NFIA: variants seen among roughly 807,000 people sequenced by gnomAD.
NFIA encodes nuclear factor 1 A-type.
Under a neutral mutation model 62.8 loss-of-function variants are expected in NFIA, and 8 were observed. The ratio of observed to expected loss-of-function variants is 0.13; its 90% CI spans 0.07 to 0.23. The LOEUF (loss-of-function observed/expected upper bound fraction) is 0.23. Among genes scored for constraint, NFIA ranks in the 10% least tolerant of loss-of-function variants. The pLI is 1.00. For missense variants in NFIA, 410 were observed against 642.1 expected, an observed-to-expected ratio of 0.64 and a Z score of 3.91; for synonymous variants, 235 against 238.1, an observed-to-expected ratio of 0.99 and a Z score of 0.12.
At chr1:61,449,833 G>T (rs1476296918) in intron 10 of NFIA, among the ~76,000 whole-genome samples, 1 of 152,254 alleles carries the variant, frequency 6.6e-6, no homozygotes, top group Admixed American at 6.5e-5. Flanking sequence ...AAGGCTGGCA[G>T]TACCAGTAAC....
intron 2 of NFIA, among the ~76,000 whole-genome samples, chr1:61,262,739 G>A (rs1656843822): frequency 6.6e-6 from 1 of 152,116 alleles, no homozygotes; most frequent in South Asian, 2.1e-4. Flanking sequence ...AATCATTTGG[G>A]CAAAAGTATC....
In NFIA at chr1:61,082,800, T is replaced by C; in HGVS notation, c.9T>C (p.Ser3=). The change falls in exon 1 of 11, where the codon TCT becomes TCC. Residue 3 remains serine, a synonymous_variant. Coordinates refer to ENST00000403491, the MANE Select transcript of NFIA (RefSeq NM_001134673.4). The part of the protein sequence containing the change: MY[S]PLCLTQDEFH... ...CCCAGCGCCCGGCAGTTATGTATTC[T>C]CCGCTCTGTCTCACCCAGGTAAGCC... is the stretch of plus-strand genomic sequence containing the variant. The C allele has an allele frequency of 1.3e-6, 2 of 1,542,172 alleles. No individual in the cohort carries two copies. The highest frequency in any genetic ancestry group is 1.8e-6 in the Non-Finnish European group (2 of 1,142,564).
intron 4 of NFIA, among the ~76,000 whole-genome samples, chr1:61,338,055 ATT>A (rs1362087000): frequency 6.6e-6 from 1 of 152,122 alleles, no homozygotes; most frequent in Non-Finnish European, 1.5e-5. Flanking sequence ...GTGGGCTCTA[ATT>A]TTCTAGCGGC....
chr1:61,362,545 A>G (rs538648360), intron 6 of NFIA, among the ~76,000 whole-genome samples: 5 of 152,368 alleles, frequency 3.3e-5, no homozygotes, highest in African/African-American at 1.2e-4. Flanking sequence ...AGCAACAGGA[A>G]GATTGTGGAA....
At position 61,455,568 on chromosome 1, in the gene NFIA, G is replaced by A; in HGVS notation, c.*248G>A. The A allele has an allele frequency of 1.8e-6, 1 of 564,064 alleles. No individual in the cohort carries two copies. Among genetic ancestry groups the A allele is most frequent in the Non-Finnish European group, 3.1e-6 (1 of 327,362 alleles). The allele number at this position is 564,064 out of a possible 1,614,324, so 34.9% of individuals were successfully genotyped here. On this transcript the variant is annotated 3_prime_UTR_variant, in exon 11 of 11. Coordinates refer to ENST00000403491, the MANE Select transcript of NFIA (RefSeq NM_001134673.4). ...TGTTGTAATTTCTCATATGGTGCTGGAAATGGTTGGGCTTTGTAACATTTG... is the reference window on the plus strand; with the variant it reads ...TGTTGTAATTTCTCATATGGTGCTGAAAATGGTTGGGCTTTGTAACATTTG...
chr1:61,176,467 T>C (rs1650353232), intron 2 of NFIA, among the ~76,000 whole-genome samples: 1 of 152,156 alleles, frequency 6.6e-6, no homozygotes. Flanking sequence ...AAAATCTATT[T>C]TGGTTTTTTA....
rs1041305734 is a variant in NFIA at position 61,413,528 on chromosome 1, T to C, written c.1420+6801T>C. Among the ~76,000 whole-genome samples the C allele has an allele frequency of 4.6e-5, 7 of 151,404 alleles. No individual in the cohort carries two copies. In the South Asian group the frequency reaches 1.5e-3, roughly 32 times the overall value. On this transcript the variant is annotated intron_variant, in intron 9 of 10. Coordinates refer to ENST00000403491, the MANE Select transcript of NFIA (RefSeq NM_001134673.4). ...CTACCTCATACTGTAACTGAACAAA[T>C]TACAAACAATGTCACTAGATTTCTG...
intron 2 of NFIA, among the ~76,000 whole-genome samples, chr1:61,126,738 AT>A (rs1268640536): frequency 6.9e-6 from 1 of 144,226 alleles, no homozygotes. Context: ...CTATATGTGA[AT>A]TTTTCTGGAA....
At position 61,089,695 on chromosome 1, in the gene NFIA, CT is replaced by C. The variant is rs918196815; in HGVS notation, c.559+1034del. 5.4e-3 allele frequency among the ~76,000 whole-genome samples: 585 copies of C among 107,772 alleles called. 3 individuals carry two copies. The highest frequency in any genetic ancestry group is 0.033 in the South Asian group (105 of 3,190). 70.7% of individuals were successfully genotyped at this position (107,772 alleles called of 152,430 possible). On this transcript the variant is annotated intron_variant, in intron 2 of 10. Coordinates refer to ENST00000403491, the MANE Select transcript of NFIA (RefSeq NM_001134673.4). ...GTTCAAATATTTAACGTTTTTTTTTCTTTTTTTTTTTTTTTTTTTACAAAGG... is the reference window on the plus strand; with the variant it reads ...GTTCAAATATTTAACGTTTTTTTTTCTTTTTTTTTTTTTTTTTTACAAAGG...
rs567817496 is a variant in NFIA at position 61,125,747 on chromosome 1, G to A, written c.559+37067G>A. 1.2e-4 allele frequency among the ~76,000 whole-genome samples: 18 copies of A among 152,310 alleles called. No homozygotes were observed. The South Asian group carries it at 3.5e-3, about 30-fold the overall frequency. On this transcript the variant is annotated intron_variant, in intron 2 of 10. Transcript: ENST00000403491. ...TTAAGGTAGCTGCTCAAGGAAGGGA[G>A]ATAGATGAAAGTAAATTGTTTTCTA...
intron 2 of NFIA, among the ~76,000 whole-genome samples, chr1:61,163,240 T>C (rs1649335825): frequency 6.6e-6 from 1 of 152,238 alleles, no homozygotes; most frequent in Non-Finnish European, 1.5e-5. Flanking sequence ...CTTTATGGAA[T>C]GTTTCTCAAA....
At chr1:61,381,172 A>G (rs1481953285) in intron 6 of NFIA, among the ~76,000 whole-genome samples, 2 of 151,720 alleles carry the variant, frequency 1.3e-5, no homozygotes, top group Non-Finnish European at 2.9e-5. Context: ...CTTCTGTTTT[A>G]TGACATGTAG....
chr1:61,187,525 G>T (rs185920023), intron 2 of NFIA, among the ~76,000 whole-genome samples: 8 of 152,102 alleles, frequency 5.3e-5, no homozygotes, highest in Admixed American at 4.6e-4. Flanking sequence ...ATGGAGATGC[G>T]CTCCGTTTAG....
intron 2 of NFIA, among the ~76,000 whole-genome samples, chr1:61,186,525 T>C (rs12142891): frequency 0.075 from 11,348 of 152,202 alleles, 580 homozygotes; most frequent in South Asian, 0.14. Context: ...TGTATGTAAA[T>C]AGGTAAGTTA....
chr1:61,422,187 C>T (rs1438992384), intron 9 of NFIA, among the ~76,000 whole-genome samples: 3 of 152,154 alleles, frequency 2.0e-5, no homozygotes, highest in Non-Finnish European at 4.4e-5. Flanking sequence ...CATTTGAGCT[C>T]AAGAGGTCAA....
At chr1:61,300,409 AT>A (rs1398782457) in intron 3 of NFIA, among the ~76,000 whole-genome samples, 4 of 152,148 alleles carry the variant, frequency 2.6e-5, no homozygotes, top group Admixed American at 2.0e-4. Flanking sequence ...GAACAAGGCC[AT>A]TTAGAAAATT....
intron 2 of NFIA, among the ~76,000 whole-genome samples, chr1:61,091,165 AT>A (rs1231887532): frequency 6.6e-6 from 1 of 151,936 alleles, no homozygotes; most frequent in Admixed American, 6.6e-5. Flanking sequence ...AAATTGTTAT[AT>A]TTTTTTCCTT....
chr1:61,083,243 G>A (rs1442674084), intron 1 of NFIA, among the ~76,000 whole-genome samples: 1 of 152,112 alleles, frequency 6.6e-6, no homozygotes, highest in African/African-American at 2.4e-5. Flanking sequence ...TAGTGCCGCA[G>A]CGCCCGGGGA....
chr1:61,462,091 G>A lies in NFIA; in HGVS notation c.*6771G>A, dbSNP rs1487680445. 2 of 141,256 alleles carry A rather than the reference G, an allele frequency of 1.4e-5. 1 individual carries two copies. The highest frequency in any genetic ancestry group is 4.5e-4 in the South Asian group (2 of 4,444). The allele number at this position is 141,256 out of a possible 1,614,324, so 8.8% of individuals were successfully genotyped here. The stretch of plus-strand genomic sequence containing the variant: ...TTTTCTTTTGACATTGCAACCGAAG[G>A]TCATAAGGCCGCTAGCTCCGCTGGG... On this transcript the variant is annotated 3_prime_UTR_variant, in exon 11 of 11. Coordinates refer to ENST00000403491, the MANE Select transcript of NFIA (RefSeq NM_001134673.4).
Sources: allele counts gnomAD v4.1 joint callset (sites outside exome capture counted in the v4.1 genomes callset), GRCh38; gene constraint gnomAD v4.1.1; transcripts MANE v1.5; gene names NCBI Gene and HGNC (gene_info 2026-07-23, HGNC 2026-07-21).